PDIA4: variants seen among roughly 807,000 people sequenced by gnomAD.
PDIA4 encodes the protein protein disulfide isomerase family A member 4, also known as protein disulfide-isomerase A4.
In PDIA4, 33 loss-of-function variants were observed where a neutral mutation model predicts 62.1. The ratio of observed to expected loss-of-function variants is 0.53; its 90% confidence interval spans 0.40 to 0.71. PDIA4 has a LOEUF of 0.71. Ranked by LOEUF, PDIA4 falls within the 30% of genes least tolerant of loss-of-function variation. PDIA4 has a pLI of 0.00. For missense variants in PDIA4, 804 were observed against 813.6 expected, an observed-to-expected ratio of 0.99 and a Z score of 0.14; for synonymous variants, 341 against 324.1, an observed-to-expected ratio of 1.05 and a Z score of -0.56.
At chr7:149,027,244 G>C (rs545094486) in intron 1 of PDIA4, among the ~76,000 whole-genome samples, 1 of 152,304 alleles carries the variant, frequency 6.6e-6, no homozygotes. Context: ...TTTGGGTAAA[G>C]GTCTCAAGAC....
At chr7:149,007,119 G>A (rs1024066463) in intron 7 of PDIA4, among the ~76,000 whole-genome samples, 2 of 152,190 alleles carry the variant, frequency 1.3e-5, no homozygotes, top group South Asian at 2.1e-4. Context: ...GTCCAGGGAA[G>A]AGGAGAGTTG....
At chr7:149,020,893 G>T (rs1382288844) in intron 2 of PDIA4, 74 bp downstream of exon 2, 3 of 1,547,302 alleles carry the variant, frequency 1.9e-6, no homozygotes, top group African/African-American at 2.7e-5. Flanking sequence ...CCAAGGTCTG[G>T]ATGACCGGGT....
chr7:149,005,713 C>A (rs1381405078), intron 8 of PDIA4, among the ~76,000 whole-genome samples, 184 bp downstream of exon 8: 1 of 152,174 alleles, frequency 6.6e-6, no homozygotes, highest in Non-Finnish European at 1.5e-5. Context: ...AGCTCCCATC[C>A]TGCTAAAAAG....
At chr7:149,014,360 A>T (rs1215856952) in intron 4 of PDIA4, among the ~76,000 whole-genome samples, 1 of 152,026 alleles carries the variant, frequency 6.6e-6, no homozygotes, top group African/African-American at 2.4e-5. Flanking sequence ...CAGACATACC[A>T]GGACTGCTCA....
At chr7:149,016,162 G>A (rs767255533) in intron 3 of PDIA4, among the ~76,000 whole-genome samples, 2 of 152,160 alleles carry the variant, frequency 1.3e-5, no homozygotes, top group African/African-American at 2.4e-5. Flanking sequence ...GGGCGTGGTG[G>A]CACATGCTTG....
At position 149,028,400 on chromosome 7, in the gene PDIA4, G is replaced by A; in HGVS notation, c.9C>T (p.Pro3=). 1 of 1,516,206 alleles carries A rather than the reference G, an allele frequency of 6.6e-7. No homozygotes were observed. 93.9% of individuals were successfully genotyped at this position (1,516,206 alleles called of 1,614,324 possible). Residue 3 remains proline, a synonymous_variant, in exon 1 of 10, where the codon CCC becomes CCT. Coordinates refer to ENST00000652332, the MANE Select transcript of PDIA4 (RefSeq NM_004911.5). Reference sequence around the variant, plus strand: ...GCAGCAGGAGCAGGAAGGCTTTCCGGGGCCTCATGGTAGCGGGGGCGGAGC... The same window carrying A: ...GCAGCAGGAGCAGGAAGGCTTTCCGAGGCCTCATGGTAGCGGGGGCGGAGC... The part of the protein sequence containing the change: MR[P]RKAFLLLLLL...
At position 149,021,091 on chromosome 7, in the gene PDIA4, C is replaced by A; in HGVS notation, c.145G>T (p.Asp49Tyr). 1 of 1,612,616 alleles carries A rather than the reference C, an allele frequency of 6.2e-7. No homozygotes were observed. Residue 49 changes from aspartate (D) to tyrosine (Y), a missense_variant, in exon 2 of 10, where the codon GAT becomes TAT. Transcript: ENST00000652332. The part of the protein sequence containing the change: ...EDEEEEEEED[D>Y]DEEEDDLEVK... ...TCCAAGTCGTCTTCTTCCTCATCAT[C>A]ATCTTCCTCCTCCTCCTCCTCTTCA... is the stretch of plus-strand genomic sequence containing the variant.
At chr7:149,028,188 G>C in intron 1 of PDIA4, 133 bp downstream of exon 1, 1 of 643,020 alleles carries the variant, frequency 1.6e-6, no homozygotes, top group Non-Finnish European at 2.6e-6. Context: ...GTTTACCCCG[G>C]GCTCGGCGCC....
intron 1 of PDIA4, among the ~76,000 whole-genome samples, chr7:149,022,251 G>C (rs1180930845): frequency 6.6e-6 from 1 of 152,058 alleles, no homozygotes; most frequent in Non-Finnish European, 1.5e-5. Context: ...TACTTATAAA[G>C]GCACCCCTGA....
chr7:149,010,763 C>A (rs1823916854), intron 6 of PDIA4, among the ~76,000 whole-genome samples: 1 of 152,180 alleles, frequency 6.6e-6, no homozygotes, highest in Admixed American at 6.5e-5. Flanking sequence ...ATCTGCAGCC[C>A]TAACCCTGCC....
At chr7:149,025,940 G>A (rs1410177753) in intron 1 of PDIA4, among the ~76,000 whole-genome samples, 1 of 152,156 alleles carries the variant, frequency 6.6e-6, no homozygotes, top group Non-Finnish European at 1.5e-5. Context: ...GTAGAGTGCA[G>A]GCACCTTCTG....
At chr7:149,026,914 G>C (rs899863480) in intron 1 of PDIA4, among the ~76,000 whole-genome samples, 1 of 151,880 alleles carries the variant, frequency 6.6e-6, no homozygotes, top group Non-Finnish European at 1.5e-5. Context: ...GGACTCTTCT[G>C]TGTTAAAGAC....
In PDIA4 at chr7:149,003,917, G is replaced by A. The variant is rs142824594; in HGVS notation, c.1815C>T (p.Phe605=). 2.9e-5 allele frequency: 47 copies of A among 1,613,550 alleles called. No individual in the cohort carries two copies. Among genetic ancestry groups the A allele is most frequent in the African/African-American group, 2.1e-4 (16 of 74,920 alleles). The change falls in exon 10 of 10, where the codon TTC becomes TTT. Residue 605 remains phenylalanine, a synonymous_variant. Transcript: ENST00000652332. ...YKVEGFPTIY[F]APSGDKKNPV... Reference sequence around the variant, plus strand: ...GGTTCTTTTTGTCCCCACTGGGGGCGAAGTAGATGGTGGGGAAGCCCTCCA... The same window carrying A: ...GGTTCTTTTTGTCCCCACTGGGGGCAAAGTAGATGGTGGGGAAGCCCTCCA...
intron 1 of PDIA4, chr7:149,027,934 C>T (rs762183221): frequency 8.1e-6 from 4 of 495,960 alleles, no homozygotes; most frequent in East Asian, 6.1e-5. Flanking sequence ...GTGGCTCTCC[C>T]TCTCCCTTCC....
At chr7:149,024,772 C>G (rs1563124845) in intron 1 of PDIA4, among the ~76,000 whole-genome samples, 1 of 141,170 alleles carries the variant, frequency 7.1e-6, no homozygotes, top group Admixed American at 7.4e-5. Flanking sequence ...GCTGAGATCG[C>G]ACCACTGCAC....
At chr7:149,014,839 C>A in intron 4 of PDIA4, 65 bp downstream of exon 4, 1 of 1,516,168 alleles carries the variant, frequency 6.6e-7, no homozygotes, top group Non-Finnish European at 9.1e-7. Flanking sequence ...CGGGCAGGGG[C>A]CTGCCACCCC....
intron 6 of PDIA4, among the ~76,000 whole-genome samples, chr7:149,008,616 T>C (rs573700990): frequency 3.3e-5 from 5 of 151,754 alleles, no homozygotes; most frequent in African/African-American, 4.8e-5. Flanking sequence ...GGCGCAAGAA[T>C]TGCTTGAACT....
In PDIA4 at chr7:149,027,948, T is replaced by C. The variant is rs1019564051; in HGVS notation, c.88+373A>G. The C allele has an allele frequency of 8.0e-6, 4 of 501,046 alleles. No homozygotes were observed. The East Asian group carries it at 2.4e-4, about 30-fold the overall frequency. 31.0% of individuals were successfully genotyped at this position (501,046 alleles called of 1,614,324 possible). On this transcript the variant is annotated intron_variant, in intron 1 of 9. Transcript: ENST00000652332. ...AGTGGCTCTCCCTCTCCCTTCCCAC[T>C]GCCTGGGCGCGTTCGCCTGGAGTTA... is the stretch of plus-strand genomic sequence containing the variant.
chr7:149,024,267 C>G (rs1437160740), intron 1 of PDIA4, among the ~76,000 whole-genome samples: 4 of 152,094 alleles, frequency 2.6e-5, no homozygotes, highest in African/African-American at 9.7e-5. Context: ...ATCCCATTAT[C>G]TTTTTAAAGA....
Sources: gnomAD v4.1 joint callset for allele counts (sites outside exome capture counted in the v4.1 genomes callset) on GRCh38, gnomAD v4.1.1 for gene constraint, MANE v1.5 for transcripts, NCBI Gene and HGNC (gene_info 2026-07-23, HGNC 2026-07-21) for gene names.